ZCCHC14: variants seen among roughly 807,000 people sequenced by gnomAD.
ZCCHC14 encodes the protein zinc finger CCHC-type containing 14, also known as zinc finger CCHC domain-containing protein 14.
Under a neutral mutation model 85.0 loss-of-function variants are expected in ZCCHC14, and 16 were observed. That is an observed-to-expected ratio of 0.19 (90% CI 0.13 to 0.29). ZCCHC14 has a LOEUF of 0.29. Ranked by LOEUF, ZCCHC14 falls within the 10% of genes least tolerant of loss-of-function variation. The pLI is 1.00. For missense variants in ZCCHC14, 1,303 were observed against 1,443.5 expected (o/e 0.90, Z 1.58); for synonymous variants, 775 against 630.7 (o/e 1.23, Z -3.43).
In ZCCHC14 at chr16:87,467,680, C is replaced by T. The variant is rs554927566; in HGVS notation, c.571-7549G>A. The T allele has an allele frequency of 1.7e-5, 14 of 810,076 alleles. No individual in the cohort carries two copies. The South Asian group carries it at 2.0e-4, about 11-fold the overall frequency. 50.2% of individuals were successfully genotyped at this position (810,076 alleles called of 1,614,324 possible). On this transcript the variant is annotated intron_variant, in intron 1 of 12. Transcript: ENST00000671377. ...GTTTCTTTTTCTTTTGAGATGGAGT[C>T]TCGCTCTGTCGCCCAGGCTGGAGTG...
intron 2 of ZCCHC14, among the ~76,000 whole-genome samples, chr16:87,445,641 G>A (rs766006582): frequency 5.3e-5 from 8 of 152,276 alleles, no homozygotes; most frequent in Non-Finnish European, 1.2e-4. Flanking sequence ...TTTATTACCA[G>A]ATAGTCCCTC....
chr16:87,411,466 T>C (rs748569775), intron 12 of ZCCHC14, 50 bp downstream of exon 12: 19 of 1,590,182 alleles, frequency 1.2e-5, no homozygotes, highest in African/African-American at 8.2e-5. Flanking sequence ...AGCATTTGTG[T>C]GCACTGGTCC....
chr16:87,459,080 G>C (rs1214352255), intron 2 of ZCCHC14, among the ~76,000 whole-genome samples: 1 of 152,136 alleles, frequency 6.6e-6, no homozygotes, highest in South Asian at 2.1e-4. Flanking sequence ...AGAGGCTGGC[G>C]TGCAGAGCCA....
In ZCCHC14 at chr16:87,420,687, C is replaced by T. The variant is rs757634171; in HGVS notation, c.870G>A (p.Leu290=). 1 of 1,613,666 alleles carries T rather than the reference C, an allele frequency of 6.2e-7. No individual in the cohort carries two copies. Among genetic ancestry groups the T allele is most frequent in the Admixed American group, 1.7e-5 (1 of 59,980 alleles). ...KLCQLYPEEN[L]EKLIPCLAGP... ...CAGCTAAGCAAGGAATGAGTTTCTC[C>T]AAGTTCTCTTCAGGATAGAGCTGAC... Residue 290 remains leucine (L), a synonymous_variant, in exon 5 of 13, where the codon TTG becomes TTA. Transcript: ENST00000671377. The surrounding 1 kb of genome is among the most constrained non-coding windows in gnomAD (Gnocchi z 5.0).
At chr16:87,477,456 C>T (rs1443669934) in intron 1 of ZCCHC14, among the ~76,000 whole-genome samples, 1 of 152,214 alleles carries the variant, frequency 6.6e-6, no homozygotes, top group East Asian at 1.9e-4. Context: ...GGTCACACTC[C>T]CTACTTCTAC....
chr16:87,412,378 A>C lies in ZCCHC14; in HGVS notation c.2343T>G (p.Ser781=), dbSNP rs1321416412. Residue 781 remains serine, a synonymous_variant, in exon 12 of 13, where the codon TCT becomes TCG. Coordinates refer to ENST00000671377, the MANE Select transcript of ZCCHC14 (RefSeq NM_015144.3). ...RPPIKLLLSS[S]VPADSAISGQ... The stretch of plus-strand genomic sequence containing the variant: ...CAGAAATGGCAGAATCAGCAGGAAC[A>C]GATGACGACAGCAGCAGTTTGATGG... The C allele has an allele frequency of 1.2e-6, 2 of 1,614,214 alleles. No homozygotes were observed. Among genetic ancestry groups the C allele is most frequent in the East Asian group, 4.5e-5 (2 of 44,888 alleles).
At chr16:87,476,642 T>C (rs1424468570) in intron 1 of ZCCHC14, among the ~76,000 whole-genome samples, 1 of 149,554 alleles carries the variant, frequency 6.7e-6, no homozygotes, top group Non-Finnish European at 1.5e-5. Flanking sequence ...TGGAATTCCA[T>C]GAATCTGCTT....
intron 1 of ZCCHC14, among the ~76,000 whole-genome samples, chr16:87,461,488 C>T (rs1863038841): frequency 6.6e-6 from 1 of 152,214 alleles, no homozygotes; most frequent in Non-Finnish European, 1.5e-5. Context: ...GCTGCATTCA[C>T]AGTATGGGAA....
At chr16:87,471,702 C>G (rs1911780323) in intron 1 of ZCCHC14, 2 of 152,260 alleles carry the variant, frequency 1.3e-5, no homozygotes, top group Non-Finnish European at 2.9e-5. Flanking sequence ...ACCCAGAATC[C>G]CTGTTCCAGA....
intron 1 of ZCCHC14, among the ~76,000 whole-genome samples, chr16:87,478,972 G>A (rs527687157): frequency 1.3e-5 from 2 of 152,282 alleles, no homozygotes; most frequent in African/African-American, 2.4e-5. Context: ...TTATTAAAAT[G>A]CCCAAAACAG....
chr16:87,458,948 T>A (rs113244930), intron 2 of ZCCHC14, among the ~76,000 whole-genome samples: 4 of 152,270 alleles, frequency 2.6e-5, no homozygotes, highest in African/African-American at 9.6e-5. Context: ...CACACAAGCA[T>A]TTATTTTACC....
intron 2 of ZCCHC14, among the ~76,000 whole-genome samples, chr16:87,458,215 G>C (rs772247916): frequency 3.8e-4 from 58 of 152,330 alleles, no homozygotes; most frequent in South Asian, 1.2e-3. Flanking sequence ...AGGCTGGACT[G>C]TCTGGGGACA....
intron 1 of ZCCHC14, among the ~76,000 whole-genome samples, chr16:87,485,343 T>A (rs1476919300): frequency 6.6e-6 from 1 of 152,198 alleles, no homozygotes; most frequent in East Asian, 1.9e-4. Context: ...ATTTTGTTAG[T>A]TCTGGATGAT....
intron 2 of ZCCHC14, among the ~76,000 whole-genome samples, chr16:87,442,726 C>T (rs899442439): frequency 6.6e-6 from 1 of 152,154 alleles, no homozygotes; most frequent in Non-Finnish European, 1.5e-5. Flanking sequence ...AAGCACAATG[C>T]TAAAAACTAA....
At chr16:87,439,842 A>G (rs1410224896) in intron 2 of ZCCHC14, among the ~76,000 whole-genome samples, 5 of 152,252 alleles carry the variant, frequency 3.3e-5, no homozygotes, top group African/African-American at 1.2e-4. Context: ...TAGGTTGGTA[A>G]ATCAAACCAC....
chr16:87,462,882 C>G (rs996916598), intron 1 of ZCCHC14, among the ~76,000 whole-genome samples: 5 of 151,854 alleles, frequency 3.3e-5, no homozygotes, highest in Non-Finnish European at 7.4e-5. Flanking sequence ...CCAGCCTGAC[C>G]AACATGGTGA....
chr16:87,483,770 G>A (rs1004127938), intron 1 of ZCCHC14, among the ~76,000 whole-genome samples: 2 of 152,168 alleles, frequency 1.3e-5, no homozygotes, highest in African/African-American at 4.8e-5. Flanking sequence ...AACAGGTAAA[G>A]TAATTACAAA....
At chr16:87,484,731 A>G (rs1451413583) in intron 1 of ZCCHC14, among the ~76,000 whole-genome samples, 1 of 152,174 alleles carries the variant, frequency 6.6e-6, no homozygotes, top group Admixed American at 6.5e-5. Context: ...GCTGGTAGAG[A>G]CGAGCGGTGT....
chr16:87,457,221 G>C (rs532700950), intron 2 of ZCCHC14, among the ~76,000 whole-genome samples: 2 of 152,204 alleles, frequency 1.3e-5, no homozygotes, highest in South Asian at 2.1e-4. Flanking sequence ...AATAGGTCAG[G>C]AAAAAAAGGA....
Sources: gnomAD v4.1 joint callset for allele counts (sites outside exome capture counted in the v4.1 genomes callset) on GRCh38, gnomAD v4.1.1 for gene constraint, Gnocchi (gnomAD v3.1) non-coding constraint, MANE v1.5 for transcripts, NCBI Gene and HGNC (gene_info 2026-07-23, HGNC 2026-07-21) for gene names.